The following PLA2R1 variants were observed in gnomAD, a reference collection of about 807,000 sequenced individuals.
PLA2R1 encodes secretory phospholipase A2 receptor.
PLA2R1 carries 158 observed loss-of-function variants against 195.9 expected under a neutral mutation model. The ratio of observed to expected loss-of-function variants is 0.81; its 90% CI spans 0.71 to 0.92. The LOEUF is 0.92. Among genes scored for constraint, PLA2R1 ranks in the 40% least tolerant of loss-of-function variants. PLA2R1 has a pLI of 0.00. For synonymous variants in PLA2R1, 586 were observed against 598.2 expected (o/e 0.98, Z 0.30); for missense variants, 1,626 against 1,764.6 (o/e 0.92, Z 1.41).
intron 19 of PLA2R1, among the ~76,000 whole-genome samples, chr2:159,968,232 C>T (rs78417532): frequency 4.9e-5 from 7 of 142,372 alleles, no homozygotes; most frequent in African/African-American, 1.8e-4. Flanking sequence ...AAACTAACTG[C>T]TTTTTTTTTT....
chr2:160,059,711 GA>G lies in PLA2R1; in HGVS notation c.109+2583del, dbSNP rs2105723658. Reference sequence around the variant, plus strand: ...CTGGGAAGAAAAAGAGGTTTAGTTGGACTCACAGTTCAACATGGCTGGGGAG... The same window carrying G: ...CTGGGAAGAAAAAGAGGTTTAGTTGGCTCACAGTTCAACATGGCTGGGGAG... On this transcript the variant is annotated intron_variant, in intron 1 of 29. Coordinates refer to ENST00000283243, the MANE Select transcript of PLA2R1 (RefSeq NM_007366.5). Among the ~76,000 whole-genome samples the G allele has an allele frequency of 2.0e-5, 3 of 152,238 alleles. 1 individual carries two copies. The highest frequency in any genetic ancestry group is 7.2e-5 in the African/African-American group (3 of 41,536).
rs1322529095 is a variant in PLA2R1 at position 160,062,457 on chromosome 2, G to A, written c.-54C>T. Reference sequence around the variant, plus strand: ...CTTGTCCCGGGAGCCCCTTATCCCGGGAGCCCAGAGCCGCGTCCCAAGCAC... The same window carrying A: ...CTTGTCCCGGGAGCCCCTTATCCCGAGAGCCCAGAGCCGCGTCCCAAGCAC... On this transcript the variant is annotated 5_prime_UTR_variant, in exon 1 of 30. Coordinates refer to ENST00000283243, the MANE Select transcript of PLA2R1 (RefSeq NM_007366.5). 1.1e-5 allele frequency: 16 copies of A among 1,490,694 alleles called. No individual in the cohort carries two copies. The highest frequency in any genetic ancestry group is 1.5e-5 in the African/African-American group (1 of 67,826). 92.3% of individuals were successfully genotyped at this position (1,490,694 alleles called of 1,614,324 possible). A position where few individuals can be genotyped will look rare whatever the true frequency, so the allele number is the denominator to read the frequency against.
the PLA2R1 span, among the ~76,000 whole-genome samples, chr2:159,925,072 G>T: frequency 6.6e-6 from 1 of 152,132 alleles, no homozygotes; most frequent in Admixed American, 6.5e-5. Context: ...TCTTATATCT[G>T]CCCCCTTTCC....
In PLA2R1 at chr2:159,941,947, A is replaced by G; in HGVS notation, c.4223T>C (p.Ile1408Thr). The G allele has an allele frequency of 6.2e-7, 1 of 1,613,958 alleles. No individual in the cohort carries two copies. Residue 1408 changes from isoleucine to threonine, a missense_variant, in exon 30 of 30, where the codon ATA becomes ACA. Physicochemically the swap from Ile to Thr is moderately conservative, Grantham distance 89. Transcript: ENST00000283243. ...IIPLAVVLTL[I>T]VIVAICTLSF... ...AAGTGTGCAAATGGCCACAATGACT[A>G]TCAGTGTCAGTACAACCGCAAGAGG...
At chr2:159,957,212 C>G (rs546636851) in intron 20 of PLA2R1, among the ~76,000 whole-genome samples, 1 of 151,824 alleles carries the variant, frequency 6.6e-6, no homozygotes, top group Non-Finnish European at 1.5e-5. Context: ...ACCAAAGAAA[C>G]CTGGGAAGAA....
rs767362737 is a variant in PLA2R1 at position 160,028,287 on chromosome 2, G to A, written c.1030C>T (p.Arg344Trp). 8.1e-6 allele frequency: 13 copies of A among 1,603,434 alleles called. No homozygotes were observed. Among genetic ancestry groups the A allele is most frequent in the South Asian group, 3.3e-5 (3 of 90,544 alleles). The change falls in exon 6 of 30, where the codon CGG becomes TGG. Residue 344 changes from arginine (R) to tryptophan (W), a missense_variant. Arg to Trp is a moderately radical substitution (Grantham distance 101). Transcript: ENST00000283243. ...SSFMPSAWRS[R>W]DCESTLPYIC... ...TATGGCAAGGTGGACTCACAATCCC[G>A]ACTCCTCCAGGCACTTGGCATAAAT...
At chr2:160,041,612 C>A (rs1047626730) in intron 3 of PLA2R1, among the ~76,000 whole-genome samples, 3 of 149,674 alleles carry the variant, frequency 2.0e-5, no homozygotes, top group African/African-American at 7.3e-5. Flanking sequence ...ATGGGCGAGA[C>A]AAGCAGCAGC....
At chr2:159,947,695 G>T in intron 25 of PLA2R1, 136 bp from the exon 26 acceptor site, 2 of 834,482 alleles carry the variant, frequency 2.4e-6, no homozygotes, top group East Asian at 2.7e-5. Flanking sequence ...TGAAAGATTG[G>T]GTTTCATGTA....
At chr2:160,045,229 T>C (rs919815507) in intron 1 of PLA2R1, 72 bp from the exon 2 acceptor site, 5 of 1,222,986 alleles carry the variant, frequency 4.1e-6, no homozygotes, top group Non-Finnish European at 4.6e-6. Context: ...GATCTCAGTG[T>C]GCATATCTAA....
At position 160,020,232 on chromosome 2, in the gene PLA2R1, G is replaced by A. The variant is rs1558942012; in HGVS notation, c.1326C>T (p.Ser442=). 5 of 1,609,686 alleles carry A rather than the reference G, an allele frequency of 3.1e-6. No homozygotes were observed. Among genetic ancestry groups the A allele is most frequent in the Non-Finnish European group, 3.4e-6 (4 of 1,177,008 alleles). ...CAAAGGAAACTGGAATTTTATTGCTGCTCAAACCAATCCATGTTTCTGATG... is the reference window on the plus strand; with the variant it reads ...CAAAGGAAACTGGAATTTTATTGCTACTCAAACCAATCCATGTTTCTGATG... ...ENASETWIGL[S]SNKIPVSFEW... is the part of the protein sequence containing the mutation. Residue 442 remains serine, a synonymous_variant, in exon 8 of 30, where the codon AGC becomes AGT. Transcript: ENST00000283243.
Position 159,984,058 on chromosome 2 carries a change from T to C in PLA2R1, c.2053A>G (p.Lys685Glu). The C allele has an allele frequency of 6.4e-7, 1 of 1,558,886 alleles. No homozygotes were observed. Among genetic ancestry groups the C allele is most frequent in the Non-Finnish European group, 8.8e-7 (1 of 1,134,036 alleles). ...CTCCATGTTCTTTTCATCAGAACTT[T>C]TTCACTATGAAATACCTGTATAGTA... ...ASCFKVFHSE[K>E]VLMKRTWREA... The change falls in exon 13 of 30, where the codon AAA (lysine) becomes GAA (glutamate). Residue 685 changes from lysine (K) to glutamate (E), a missense_variant. Lys to Glu is a moderately conservative substitution (Grantham distance 56, BLOSUM62 1). Coordinates refer to ENST00000283243, the MANE Select transcript of PLA2R1 (RefSeq NM_007366.5).
At chr2:160,029,858 A>G (rs911444339) in intron 4 of PLA2R1, among the ~76,000 whole-genome samples, 4 of 152,220 alleles carry the variant, frequency 2.6e-5, no homozygotes, top group African/African-American at 9.6e-5. Flanking sequence ...CGTTTAATCT[A>G]TAAAGGAGAG....
chr2:160,036,498 C>T (rs1025885624), intron 3 of PLA2R1, among the ~76,000 whole-genome samples: 3 of 152,166 alleles, frequency 2.0e-5, no homozygotes, highest in Admixed American at 6.6e-5. Flanking sequence ...GCTGAGCTGG[C>T]ACACTGCAGT....
At chr2:159,946,234 T>C in intron 27 of PLA2R1, 1 of 979,006 alleles carries the variant, frequency 1.0e-6, no homozygotes. Flanking sequence ...ATACTCCTCC[T>C]CGAAAGGGTA....
the PLA2R1 span, among the ~76,000 whole-genome samples, chr2:159,924,121 C>A: frequency 6.6e-6 from 1 of 152,136 alleles, no homozygotes; most frequent in Non-Finnish European, 1.5e-5. Context: ...GCTGCATAAG[C>A]AGAATCTTCA....
At chr2:159,949,477 CCAA>C in intron 25 of PLA2R1, 128 bp downstream of exon 25, 1 of 590,910 alleles carries the variant, frequency 1.7e-6, no homozygotes, top group Admixed American at 3.0e-5. Context: ...CTTTACATCA[CCAA>C]CCAGACCAGA....
At chr2:159,948,406 A>T (rs187485794) in intron 25 of PLA2R1, among the ~76,000 whole-genome samples, 10,011 of 143,770 alleles carry the variant, frequency 0.07, 396 homozygotes, top group Non-Finnish European at 0.1. Context: ...AGATAATTGA[A>T]TTTTTTTTTT....
At chr2:159,994,831 T>A (rs1214735450) in intron 11 of PLA2R1, among the ~76,000 whole-genome samples, 6 of 152,056 alleles carry the variant, frequency 3.9e-5, no homozygotes, top group Non-Finnish European at 4.4e-5. Context: ...TGATTTGCTT[T>A]TATGCTAGTG....
intron 10 of PLA2R1, among the ~76,000 whole-genome samples, chr2:160,007,237 T>C (rs562221106): frequency 1.3e-5 from 2 of 152,352 alleles, no homozygotes; most frequent in South Asian, 4.1e-4. Context: ...CTCTCAATAA[T>C]ATACGATCTG....
Sources: gnomAD v4.1 joint callset for allele counts (sites outside exome capture counted in the v4.1 genomes callset) on GRCh38, gnomAD v4.1.1 for gene constraint, MANE v1.5 for transcripts, NCBI Gene and HGNC (gene_info 2026-07-23, HGNC 2026-07-21) for gene names.